ITGA8: variants seen among roughly 807,000 people sequenced by gnomAD.
ITGA8 encodes integrin alpha-8.
ITGA8 carries 91 observed loss-of-function variants against 142.3 expected under a neutral mutation model. The ratio of observed to expected loss-of-function variants is 0.64; its 90% CI spans 0.54 to 0.76. The LOEUF is 0.76. Among genes scored for constraint, ITGA8 ranks in the 30% least tolerant of loss-of-function variants. The pLI, the probability that ITGA8 is intolerant of heterozygous loss-of-function variation, is 0.00. For missense variants in ITGA8, 1,406 were observed against 1,327.7 expected, an observed-to-expected ratio of 1.06 and a Z score of -0.92; for synonymous variants, 505 against 485.2, an observed-to-expected ratio of 1.04 and a Z score of -0.54.
intron 8 of ITGA8, among the ~76,000 whole-genome samples, chr10:15,663,154 T>C (rs1348032878): frequency 6.6e-6 from 1 of 152,168 alleles, no homozygotes; most frequent in Non-Finnish European, 1.5e-5. Context: ...GAATTCTCAT[T>C]CCCTGTTGTC....
chr10:15,713,736 A>G (rs1013467989), intron 2 of ITGA8, among the ~76,000 whole-genome samples: 2 of 152,112 alleles, frequency 1.3e-5, no homozygotes, highest in African/African-American at 2.4e-5. Flanking sequence ...ACTCAACACA[A>G]AATAAAACAG....
chr10:15,683,292 TCCAC>T (rs1834773422), intron 4 of ITGA8, among the ~76,000 whole-genome samples: 6 of 52,658 alleles, frequency 1.1e-4, no homozygotes, highest in South Asian at 1.1e-3. Context: ...CATCCATCCA[TCCAC>T]CCATCCACCC....
At chr10:15,695,261 G>T (rs1424503200) in intron 2 of ITGA8, among the ~76,000 whole-genome samples, 1 of 152,082 alleles carries the variant, frequency 6.6e-6, no homozygotes, top group Non-Finnish European at 1.5e-5. Context: ...CACTGTCCCA[G>T]GTCTCTATGT....
chr10:15,711,478 C>CT (rs1835362884), intron 2 of ITGA8, among the ~76,000 whole-genome samples: 1 of 152,014 alleles, frequency 6.6e-6, no homozygotes, highest in Non-Finnish European at 1.5e-5. Flanking sequence ...TTTTTCTCTT[C>CT]ATCTTTTTGT....
chr10:15,533,535 G>C (rs1191146413), intron 27 of ITGA8, among the ~76,000 whole-genome samples: 1 of 152,166 alleles, frequency 6.6e-6, no homozygotes, highest in African/African-American at 2.4e-5. Flanking sequence ...GAGATCTTGT[G>C]GGTAAGGATT....
chr10:15,539,030 A>G (rs1833515510), intron 27 of ITGA8, among the ~76,000 whole-genome samples: 1 of 150,698 alleles, frequency 6.6e-6, no homozygotes, highest in Non-Finnish European at 1.5e-5. Flanking sequence ...TAAACTATAC[A>G]AAGATCTATG....
At chr10:15,564,320 C>T (rs868555828) in intron 25 of ITGA8, among the ~76,000 whole-genome samples, 3 of 152,350 alleles carry the variant, frequency 2.0e-5, no homozygotes, top group Middle Eastern at 3.4e-3. Context: ...CCATTTTCTA[C>T]ATGAACATTT....
chr10:15,605,738 C>A lies in ITGA8; in HGVS notation c.1956G>T (p.Lys652Asn). The change falls in exon 19 of 30, where the codon AAG becomes AAT. Residue 652 changes from lysine to asparagine, a missense_variant. Transcript: ENST00000378076. Reference sequence around the variant, plus strand: ...TTTAAACTTACGGTCTAGCCGACAGCTTCAAGTCAGGAACACACAGATTGT... The same window carrying A: ...TTTAAACTTACGGTCTAGCCGACAGATTCAAGTCAGGAACACACAGATTGT... ...GEDNLCVPDL[K>N]LSARPDKHQV... The A allele has an allele frequency of 6.2e-7, 1 of 1,613,368 alleles. No individual in the cohort carries two copies. The highest frequency in any genetic ancestry group is 1.1e-5 in the South Asian group (1 of 91,062).
intron 2 of ITGA8, among the ~76,000 whole-genome samples, chr10:15,710,785 T>C (rs1835349010): frequency 6.6e-6 from 1 of 152,160 alleles, no homozygotes. Context: ...CCACAGGAGA[T>C]TGGCTTCCAC....
At chr10:15,706,192 GTCTTATT>G (rs1165355126) in intron 2 of ITGA8, among the ~76,000 whole-genome samples, 9 of 152,070 alleles carry the variant, frequency 5.9e-5, no homozygotes, top group Non-Finnish European at 8.8e-5. Context: ...TGTTCTCTAA[GTCTTATT>G]CCTTCAGTTC....
chr10:15,588,668 G>A (rs758753413), intron 22 of ITGA8, among the ~76,000 whole-genome samples: 5 of 151,954 alleles, frequency 3.3e-5, no homozygotes, highest in African/African-American at 7.3e-5. Flanking sequence ...TTAGAATTAC[G>A]AAAAAACAAA....
chr10:15,664,006 C>T (rs1483803582), intron 8 of ITGA8, among the ~76,000 whole-genome samples: 1 of 152,196 alleles, frequency 6.6e-6, no homozygotes, highest in Non-Finnish European at 1.5e-5. Context: ...TCTTTGGTTC[C>T]TAATTCAGTG....
At chr10:15,551,087 G>A (rs552394860) in intron 26 of ITGA8, among the ~76,000 whole-genome samples, 9 of 152,150 alleles carry the variant, frequency 5.9e-5, no homozygotes, top group Non-Finnish European at 1.3e-4. Flanking sequence ...TTCTAGAGAG[G>A]AGGTACATTT....
At chr10:15,613,160 C>CAATA (rs146891916) in intron 15 of ITGA8, among the ~76,000 whole-genome samples, 19,646 of 73,348 alleles carry the variant, frequency 0.27, 1,739 homozygotes, top group East Asian at 0.43. Context: ...GACTCCATCT[C>CAATA]AATAAATAAA....
At chr10:15,651,512 A>C (rs1015925318) in intron 11 of ITGA8, among the ~76,000 whole-genome samples, 3 of 151,584 alleles carry the variant, frequency 2.0e-5, no homozygotes, top group Non-Finnish European at 2.9e-5. Flanking sequence ...CAGTTAACTT[A>C]TCTGGTCACT....
chr10:15,543,647 C>T (rs1168983313), intron 27 of ITGA8, among the ~76,000 whole-genome samples: 1 of 152,132 alleles, frequency 6.6e-6, no homozygotes, highest in East Asian at 1.9e-4. Flanking sequence ...AGCATATTTA[C>T]TAGATTAAAG....
At chr10:15,642,938 CA>C (rs1401995092) in intron 13 of ITGA8, among the ~76,000 whole-genome samples, 11 of 152,108 alleles carry the variant, frequency 7.2e-5, no homozygotes, top group African/African-American at 2.4e-4. Context: ...TGGAAAGAGA[CA>C]AGGTTTTTAT....
intron 4 of ITGA8, among the ~76,000 whole-genome samples, chr10:15,682,664 G>A (rs1834758967): frequency 6.6e-6 from 1 of 152,074 alleles, no homozygotes; most frequent in African/African-American, 2.4e-5. Context: ...AGACCAGCCT[G>A]GACAACATGG....
intron 2 of ITGA8, among the ~76,000 whole-genome samples, chr10:15,695,573 G>T (rs1208421314): frequency 1.3e-5 from 2 of 152,146 alleles, no homozygotes; most frequent in African/African-American, 4.8e-5. Flanking sequence ...GGATGTTTTT[G>T]ATTTAATTTG....
Sources: allele counts gnomAD v4.1 joint callset (sites outside exome capture counted in the v4.1 genomes callset), GRCh38; gene constraint gnomAD v4.1.1; transcripts MANE v1.5; gene names NCBI Gene and HGNC (gene_info 2026-07-23, HGNC 2026-07-21).